Variants in FARP2 observed in about 807,000 individuals in gnomAD.
FARP2 encodes FERM, ARH/RhoGEF and pleckstrin domain protein 2.
A neutral mutation model predicts 130.5 loss-of-function variants in FARP2; 111 were observed. That is an observed-to-expected ratio of 0.85 (90% CI 0.73 to 1.00). The LOEUF is 1.00. Ranked by LOEUF, FARP2 falls within the 50% of genes least tolerant of loss-of-function variation. The pLI is 0.00. For synonymous variants in FARP2, 504 were observed against 516.9 expected (o/e 0.98, Z 0.34); for missense variants, 1,385 against 1,346.3 (o/e 1.03, Z -0.45).
Position 241,424,212 on chromosome 2 carries a change from G to A in FARP2, c.771+6103G>A, listed in dbSNP as rs546301109. On this transcript the variant is annotated intron_variant, in intron 8 of 26. Coordinates refer to ENST00000264042, the MANE Select transcript of FARP2 (RefSeq NM_014808.4). ...TCTAAAACTGATCACATAATCGGAA[G>A]CAAAACACTCCTCAGCAAATGCATA... is the stretch of plus-strand genomic sequence containing the variant. 5.3e-5 allele frequency among the ~76,000 whole-genome samples: 8 copies of A among 152,248 alleles called. No individual in the cohort carries two copies. The East Asian group carries it at 1.5e-3, about 29-fold the overall frequency.
At chr2:241,483,383 C>A in intron 19 of FARP2, 82 bp from the exon 20 acceptor site, 1 of 1,187,728 alleles carries the variant, frequency 8.4e-7, no homozygotes, top group Non-Finnish European at 1.3e-6. Context: ...GGCCACAAGG[C>A]TATTCCTGAC....
intron 1 of FARP2, among the ~76,000 whole-genome samples, chr2:241,360,451 T>C (rs1437593408): frequency 1.3e-5 from 2 of 151,942 alleles, no homozygotes; most frequent in Non-Finnish European, 2.9e-5. Context: ...GGCAGGTGGA[T>C]CACAAGGTCA....
chr2:241,421,519 T>A (rs1000419898), intron 8 of FARP2, among the ~76,000 whole-genome samples: 19 of 152,160 alleles, frequency 1.2e-4, no homozygotes, highest in African/African-American at 4.6e-4. Flanking sequence ...CCACCATCTC[T>A]AGTTTGGTTG....
intron 13 of FARP2, 139 bp downstream of exon 13, chr2:241,441,695 A>G (rs2063388682): frequency 8.0e-7 from 1 of 1,252,044 alleles, no homozygotes; most frequent in Non-Finnish European, 1.2e-6. Context: ...GGTGGGGATG[A>G]CTTTACCACA....
chr2:241,381,368 C>T (rs2061659790), intron 2 of FARP2, among the ~76,000 whole-genome samples: 1 of 152,142 alleles, frequency 6.6e-6, no homozygotes. Context: ...GGATTGAGGA[C>T]CGCTGACTTT....
chr2:241,402,872 A>ATATC (rs2062223604), intron 2 of FARP2, among the ~76,000 whole-genome samples: 1 of 11,926 alleles, frequency 8.4e-5, no homozygotes, highest in East Asian at 1.9e-3. Context: ...ATATATATAT[A>ATATC]TATATATATT....
rs528152427 is a variant in FARP2, at chr2:241,442,185, A to G, written c.1411+629A>G. Reference sequence around the variant, plus strand: ...AAAACAGCTCCCTCAATAACATGCCACTACGTGGTGGGCTGTCTGTGCACA... The same window carrying G: ...AAAACAGCTCCCTCAATAACATGCCGCTACGTGGTGGGCTGTCTGTGCACA... On this transcript the variant is annotated intron_variant, in intron 13 of 26. Coordinates refer to ENST00000264042, the MANE Select transcript of FARP2 (RefSeq NM_014808.4). 4 of 454,128 alleles carry G rather than the reference A, an allele frequency of 8.8e-6. No homozygotes were observed. In the East Asian group the frequency reaches 2.8e-4, roughly 32 times the overall value. The allele number at this position is 454,128 out of a possible 1,614,324, so 28.1% of individuals were successfully genotyped here.
intron 19 of FARP2, among the ~76,000 whole-genome samples, chr2:241,479,556 A>G (rs1033672019): frequency 6.6e-6 from 1 of 152,222 alleles, no homozygotes; most frequent in African/African-American, 2.4e-5. Flanking sequence ...GACACAGGCT[A>G]TGATCCTGCC....
chr2:241,457,277 CG>C (rs199548937), intron 14 of FARP2, among the ~76,000 whole-genome samples: 2 of 146,202 alleles, frequency 1.4e-5, no homozygotes, highest in African/African-American at 2.7e-5. Flanking sequence ...TTCTCCCTCC[CG>C]TCCTCCCTCC....
At chr2:241,440,380 G>T (rs3755400) in intron 12 of FARP2, among the ~76,000 whole-genome samples, 25,439 of 152,176 alleles carry the variant, frequency 0.17, 2,519 homozygotes, top group East Asian at 0.4. Flanking sequence ...CCGTGTCCTT[G>T]TGTGTGGAAC....
intron 17 of FARP2, among the ~76,000 whole-genome samples, chr2:241,467,538 G>T (rs914509695): frequency 1.3e-5 from 2 of 151,842 alleles, no homozygotes; most frequent in Admixed American, 1.3e-4. Context: ...TTCTTGCGGG[G>T]GGCTAAGGTG....
chr2:241,457,059 C>T, intron 14 of FARP2, 137 bp downstream of exon 14: 1 of 747,668 alleles, frequency 1.3e-6, no homozygotes. Context: ...TTACCAGCCT[C>T]CTGAGCAGAG....
intron 7 of FARP2, among the ~76,000 whole-genome samples, chr2:241,414,956 A>G (rs3771562): frequency 0.012 from 1,886 of 152,332 alleles, 109 homozygotes; most frequent in Admixed American, 0.093. Context: ...GGCTGGAGGT[A>G]GAAGTGCCAA....
At chr2:241,491,475 C>T (rs2064909588) in intron 23 of FARP2, 41 bp from the exon 24 acceptor site, 1 of 1,609,318 alleles carries the variant, frequency 6.2e-7, no homozygotes, top group Non-Finnish European at 8.5e-7. Context: ...AAGCAGAGGC[C>T]ACAGGGGGTT....
intron 2 of FARP2, among the ~76,000 whole-genome samples, chr2:241,385,672 A>T (rs1309489564): frequency 6.6e-6 from 1 of 152,102 alleles, no homozygotes; most frequent in African/African-American, 2.4e-5. Context: ...GTGAGCCGTG[A>T]TTGCACCACT....
intron 4 of FARP2, among the ~76,000 whole-genome samples, chr2:241,406,964 C>T (rs777181971): frequency 2.4e-4 from 37 of 152,152 alleles, no homozygotes; most frequent in South Asian, 4.2e-4. Flanking sequence ...CCCGCCACCA[C>T]GCCCGGCTAA....
chr2:241,475,707 G>A lies in FARP2; in HGVS notation c.2132-150G>A. ...GAAACCCATCCCTGGTACCAAAAAT[G>A]TTGGGGACCGCTGCTATAAGGAGTC... On this transcript the variant is annotated intron_variant, in intron 18 of 26. Coordinates refer to ENST00000264042, the MANE Select transcript of FARP2 (RefSeq NM_014808.4). The surrounding 1 kb of genome is among the most constrained non-coding windows in gnomAD (Gnocchi z 4.4). 2 of 559,200 alleles carry A rather than the reference G, an allele frequency of 3.6e-6. No homozygotes were observed. The highest frequency in any genetic ancestry group is 5.6e-6 in the Non-Finnish European group (2 of 357,888). The allele number at this position is 559,200 out of a possible 1,614,324, so 34.6% of individuals were successfully genotyped here.
At chr2:241,376,118 G>A (rs943526020) in intron 2 of FARP2, among the ~76,000 whole-genome samples, 3 of 152,124 alleles carry the variant, frequency 2.0e-5, no homozygotes, top group African/African-American at 7.2e-5. Context: ...TGGGCAACCT[G>A]GGATTGCCTT....
intron 17 of FARP2, chr2:241,466,542 G>A: frequency 1.0e-6 from 1 of 985,432 alleles, no homozygotes; most frequent in Non-Finnish European, 1.2e-6. Context: ...GGCATCGGCA[G>A]GGCTTGGCCA....
Sources: allele counts gnomAD v4.1 joint callset (sites outside exome capture counted in the v4.1 genomes callset), GRCh38; gene constraint gnomAD v4.1.1; non-coding constraint Gnocchi (gnomAD v3.1); transcripts MANE v1.5; gene names NCBI Gene and HGNC (gene_info 2026-07-23, HGNC 2026-07-21).